The following EIF4E3 variants were observed in gnomAD, a reference collection of about 807,000 sequenced individuals.
EIF4E3 encodes eukaryotic translation initiation factor 4E family member 3.
EIF4E3 carries 26 observed loss-of-function variants against 31.7 expected under a neutral mutation model. The ratio of observed to expected loss-of-function variants is 0.82; its 90% CI spans 0.60 to 1.14. The LOEUF (loss-of-function observed/expected upper bound fraction) is 1.14, where lower values mean the gene tolerates loss of function less well. Among genes scored for constraint, EIF4E3 ranks in the 50% most tolerant of loss-of-function variants. The probability of loss-of-function intolerance (pLI) is 0.00; values close to 1 mark genes in which losing one functional copy is unlikely to be tolerated. For missense variants in EIF4E3, 304 were observed against 270.9 expected (o/e 1.12, Z -0.86); for synonymous variants, 128 against 107.7 (o/e 1.19, Z -1.17).
chr3:71,754,739 C>A, upstream of EIF4E3: 1 of 1,399,114 alleles, frequency 7.1e-7, no homozygotes, highest in Non-Finnish European at 9.3e-7. This position sits in a 1 kb window ranked among gnomAD's most constrained non-coding sequence, Gnocchi z 5.8. Flanking sequence ...GGACCTTCCA[C>A]GGCCCGGGCG....
the EIF4E3 span, among the ~76,000 whole-genome samples, chr3:71,663,959 T>C: frequency 6.6e-6 from 1 of 151,656 alleles, no homozygotes; most frequent in African/African-American, 2.4e-5. Context: ...ATCAGGCAGG[T>C]AAGTGGGCAG....
intron 1 of EIF4E3, among the ~76,000 whole-genome samples, chr3:71,713,887 C>T (rs1313098964): frequency 2.6e-5 from 4 of 152,062 alleles, no homozygotes; most frequent in African/African-American, 7.2e-5. Flanking sequence ...AACAGTCTAA[C>T]ACCTGATGAT....
In EIF4E3 at chr3:71,746,852, T is replaced by C. The variant is rs149744225; in HGVS notation, c.-291+6611A>G. ...TCTATCACTATGGATTTACCTGTTC[T>C]GGGCATTTCATGTAAGTGGATTTGT... On this transcript the variant is annotated intron_variant, in intron 1 of 7. Coordinates refer to the EIF4E3 transcript ENST00000295612. 2.2e-3 allele frequency among the ~76,000 whole-genome samples: 338 copies of C among 152,358 alleles called. 2 individuals carry two copies. Among genetic ancestry groups the C allele is most frequent in the Non-Finnish European group, 3.9e-3 (262 of 68,038 alleles).
At chr3:71,710,745 G>A (rs1048764204) in intron 1 of EIF4E3, among the ~76,000 whole-genome samples, 1 of 152,148 alleles carries the variant, frequency 6.6e-6, no homozygotes, top group Non-Finnish European at 1.5e-5. Flanking sequence ...AATAAGAAAG[G>A]GAATGGACAC....
downstream of EIF4E3, among the ~76,000 whole-genome samples, chr3:71,674,089 A>AC (rs2048860138): frequency 3.5e-5 from 1 of 28,544 alleles, no homozygotes; most frequent in Non-Finnish European, 8.9e-5. Context: ...CATCAACTGT[A>AC]CTTTTTTTTT....
At chr3:71,754,085 C>T (rs754791569), upstream of EIF4E3, 20 of 1,332,612 alleles carry the variant, frequency 1.5e-5, no homozygotes, top group African/African-American at 2.5e-4. This position sits in a 1 kb window ranked among gnomAD's most constrained non-coding sequence, Gnocchi z 5.8. Context: ...GCAGCGGCGG[C>T]GGCGAGGCGG....
At chr3:71,711,740 G>A (rs975343080) in intron 1 of EIF4E3, among the ~76,000 whole-genome samples, 2 of 152,166 alleles carry the variant, frequency 1.3e-5, no homozygotes, top group Non-Finnish European at 2.9e-5. Flanking sequence ...ACTCTGGGAG[G>A]CTGAGGCAGG....
chr3:71,743,627 A>G (rs2049842709), intron 1 of EIF4E3, among the ~76,000 whole-genome samples: 2 of 152,296 alleles, frequency 1.3e-5, no homozygotes, highest in South Asian at 2.1e-4. Context: ...TCTAAAACAC[A>G]TATGTCAATG....
chr3:71,668,727 T>A, the EIF4E3 span, among the ~76,000 whole-genome samples: 5 of 152,274 alleles, frequency 3.3e-5, no homozygotes, highest in Admixed American at 1.3e-4. Flanking sequence ...ATGGCGATCA[T>A]TAAAAGGTCA....
Position 71,725,187 on chromosome 3 carries a change from C to G in EIF4E3, c.176+5G>C. 1 of 1,106,712 alleles carries G rather than the reference C, an allele frequency of 9.0e-7. No homozygotes were observed. Among genetic ancestry groups the G allele is most frequent in the Non-Finnish European group, 1.1e-6 (1 of 908,440 alleles). The allele number at this position is 1,106,712 out of a possible 1,614,324, so 68.6% of individuals were successfully genotyped here. ...CCGTGCGCGGCGGGCCCCGCGCCCC[C>G]TCACCTGTCGAGCCAGAAGGTCCAG... On this transcript the variant is annotated splice_donor_5th_base_variant and intron_variant, in intron 1 of 6. Coordinates refer to ENST00000425534, the MANE Select transcript of EIF4E3 (RefSeq NM_001134651.2). The surrounding 1 kb of genome is among the most constrained non-coding windows in gnomAD (Gnocchi z 6.1).
chr3:71,666,599 C>T, the EIF4E3 span, among the ~76,000 whole-genome samples: 1 of 152,144 alleles, frequency 6.6e-6, no homozygotes, highest in Admixed American at 6.5e-5. Context: ...TTTTATGAGG[C>T]CAGCATCATC....
At chr3:71,700,593 A>G (rs1246119550) in intron 2 of EIF4E3, among the ~76,000 whole-genome samples, 2 of 148,144 alleles carry the variant, frequency 1.4e-5, no homozygotes, top group African/African-American at 5.1e-5. Context: ...CAGCCTGGGC[A>G]ACAGGGCGAG....
At chr3:71,705,848 G>A (rs982001644) in intron 2 of EIF4E3, among the ~76,000 whole-genome samples, 5 of 151,982 alleles carry the variant, frequency 3.3e-5, no homozygotes, top group East Asian at 1.9e-4. Flanking sequence ...GGCTGAACTC[G>A]AACTCTTGGG....
At chr3:71,722,826 T>C (rs1266670295) in intron 1 of EIF4E3, among the ~76,000 whole-genome samples, 2 of 152,110 alleles carry the variant, frequency 1.3e-5, no homozygotes, top group African/African-American at 4.8e-5. Flanking sequence ...GTAATGACAG[T>C]GTTAGTAGTT....
rs1355238413 is a variant in EIF4E3, at chr3:71,684,465, T to TG, written c.*216_*217insC. The TG allele has an allele frequency of 7.6e-6, 3 of 396,118 alleles. No homozygotes were observed. The highest frequency in any genetic ancestry group is 2.1e-5 in the African/African-American group (1 of 48,382). 24.5% of individuals were successfully genotyped at this position (396,118 alleles called of 1,614,324 possible). A position where few individuals can be genotyped will look rare whatever the true frequency, so the allele number is the denominator to read the frequency against. ...CCAAAAAAAAAGTTTTTTGTGTGTG[T>TG]TTTTTTTAAAAAGCAAGTAATGTGA... On this transcript the variant is annotated 3_prime_UTR_variant, in exon 7 of 7. Coordinates refer to ENST00000425534, the MANE Select transcript of EIF4E3 (RefSeq NM_001134651.2).
At chr3:71,689,646 T>A (rs1326835949) in intron 6 of EIF4E3, among the ~76,000 whole-genome samples, 1 of 152,224 alleles carries the variant, frequency 6.6e-6, no homozygotes, top group East Asian at 1.9e-4. Context: ...AAGGGATGAT[T>A]GAATATCTAC....
chr3:71,702,871 C>A (rs1339173090), intron 2 of EIF4E3, among the ~76,000 whole-genome samples: 6 of 152,214 alleles, frequency 3.9e-5, no homozygotes, highest in Admixed American at 3.9e-4. Flanking sequence ...CTGAAAACCT[C>A]TTCCGCCCTT....
At chr3:71,751,630 C>A (rs2049929964) in intron 1 of EIF4E3, among the ~76,000 whole-genome samples, 1 of 152,214 alleles carries the variant, frequency 6.6e-6, no homozygotes, top group African/African-American at 2.4e-5. Context: ...GAAACCATTT[C>A]CTACCCTCCC....
chr3:71,729,652 G>A (rs2049681184), upstream of EIF4E3, among the ~76,000 whole-genome samples: 1 of 152,202 alleles, frequency 6.6e-6, no homozygotes, highest in Admixed American at 6.5e-5. Context: ...TAAAGATACA[G>A]TAAATGTCAG....
Sources: gnomAD v4.1 joint callset for allele counts (sites outside exome capture counted in the v4.1 genomes callset) on GRCh38, gnomAD v4.1.1 for gene constraint, Gnocchi (gnomAD v3.1) non-coding constraint, MANE v1.5 for transcripts, NCBI Gene and HGNC (gene_info 2026-07-23, HGNC 2026-07-21) for gene names.